The following LRP1B variants were observed in gnomAD, a reference collection of about 807,000 sequenced individuals.
LRP1B encodes the protein low-density lipoprotein receptor-related protein 1B.
In LRP1B, 217 loss-of-function variants were observed where a neutral mutation model predicts 556.6. That is an observed-to-expected ratio of 0.39 (90% CI 0.35 to 0.44). The LOEUF (loss-of-function observed/expected upper bound fraction) is 0.44. LRP1B is among the 20% of genes least tolerant of loss of function. The probability of loss-of-function intolerance (pLI) is 1.00; values close to 1 mark genes in which losing one functional copy is unlikely to be tolerated. For missense variants in LRP1B, 5,053 were observed against 5,620.8 expected (o/e 0.90, Z 3.23); for synonymous variants, 2,047 against 1,865.8 (o/e 1.10, Z -2.50).
At chr2:141,110,638 AT>A (rs10655870) in intron 7 of LRP1B, among the ~76,000 whole-genome samples, 8,653 of 149,738 alleles carry the variant, frequency 0.058, 305 homozygotes, top group Middle Eastern at 0.12. Context: ...TGTAATCATG[AT>A]TTTTTTTTTT....
At chr2:140,618,165 G>A (rs1357581052) in intron 41 of LRP1B, among the ~76,000 whole-genome samples, 2 of 151,620 alleles carry the variant, frequency 1.3e-5, no homozygotes, top group Admixed American at 6.6e-5. Flanking sequence ...TATATTCCTA[G>A]AGTAAAAGAG....
At chr2:141,758,657 A>G (rs1694410483) in intron 2 of LRP1B, among the ~76,000 whole-genome samples, 1 of 152,092 alleles carries the variant, frequency 6.6e-6, no homozygotes, top group South Asian at 2.1e-4. Context: ...TCTACTAGGC[A>G]CAGGATATAT....
chr2:141,035,435 T>C (rs1698504728), intron 11 of LRP1B, among the ~76,000 whole-genome samples: 1 of 152,076 alleles, frequency 6.6e-6, no homozygotes, highest in Non-Finnish European at 1.5e-5. Context: ...TGCTTAGCCT[T>C]ATATTTAGTC....
At chr2:140,289,578 A>T (rs1315251763) in intron 84 of LRP1B, among the ~76,000 whole-genome samples, 1 of 151,804 alleles carries the variant, frequency 6.6e-6, no homozygotes, top group Non-Finnish European at 1.5e-5. Flanking sequence ...CGTACGCCTA[A>T]AATTATTTTC....
intron 41 of LRP1B, among the ~76,000 whole-genome samples, chr2:140,605,586 C>A (rs143209070): frequency 9.9e-5 from 15 of 150,886 alleles, no homozygotes; most frequent in African/African-American, 3.4e-4. Flanking sequence ...GCTTGCTTCT[C>A]TTTTTATTTC....
At chr2:140,968,415 C>T (rs1262687616) in intron 18 of LRP1B, among the ~76,000 whole-genome samples, 1 of 150,868 alleles carries the variant, frequency 6.6e-6, no homozygotes, top group Non-Finnish European at 1.5e-5. Flanking sequence ...TTTGATTCTT[C>T]TCTCTTTTCT....
At chr2:141,871,751 T>C (rs1698594686) in intron 1 of LRP1B, among the ~76,000 whole-genome samples, 1 of 151,892 alleles carries the variant, frequency 6.6e-6, no homozygotes, top group Non-Finnish European at 1.5e-5. Context: ...AAAAAGGTGT[T>C]TAGTTTATGC....
At chr2:141,229,035 T>C in intron 6 of LRP1B, 148 bp downstream of exon 6, 1 of 738,198 alleles carries the variant, frequency 1.4e-6, no homozygotes, top group Non-Finnish European at 2.3e-6. Flanking sequence ...GCAAAACATG[T>C]AGTGAATACA....
rs530647152 is a variant in LRP1B at position 140,845,125 on chromosome 2, A to AAAAC, written c.4940-4037_4940-4034dup. Among the ~76,000 whole-genome samples, 5 of 152,124 alleles carry AAAAC rather than the reference A, an allele frequency of 3.3e-5. No individual in the cohort carries two copies. In the East Asian group the frequency reaches 7.7e-4, roughly 23 times the overall value. Reference sequence around the variant, plus strand: ...TTTTTTTCTGTCCTTTCACTGGCAAAAAACAAACAAACAAACAAACAAAAA... The same window carrying AAAAC: ...TTTTTTTCTGTCCTTTCACTGGCAAAAAACAAACAAACAAACAAACAAACAAAAA... On this transcript the variant is annotated intron_variant, in intron 29 of 90. Transcript: ENST00000389484.
chr2:141,923,068 C>G (rs961302846), intron 1 of LRP1B, among the ~76,000 whole-genome samples: 4 of 151,924 alleles, frequency 2.6e-5, no homozygotes, highest in Admixed American at 2.6e-4. Flanking sequence ...CACTGCACTC[C>G]AGCCTGGGTG....
chr2:142,055,984 C>T (rs1471558078), intron 1 of LRP1B, among the ~76,000 whole-genome samples: 1 of 152,032 alleles, frequency 6.6e-6, no homozygotes, highest in Non-Finnish European at 1.5e-5. Flanking sequence ...AACCCTGTCT[C>T]TACTAAAAAT....
rs1412426903 is a variant in LRP1B at position 140,886,343 on chromosome 2, TA to T, written c.3767-9del. On this transcript the variant is annotated splice_polypyrimidine_tract_variant and intron_variant, in intron 23 of 90. Transcript: ENST00000389484. ...TGAATGCTTCAAAAGGATCTGAAAT[TA>T]AATTTATTTTTAATAGGCTTATGAA... The T allele has an allele frequency of 2.0e-6, 3 of 1,497,406 alleles. No homozygotes were observed. The highest frequency in any genetic ancestry group is 3.9e-5 in the Admixed American group (2 of 51,020). 92.8% of individuals were successfully genotyped at this position (1,497,406 alleles called of 1,614,324 possible). A position where few individuals can be genotyped will look rare whatever the true frequency, so the allele number is the denominator to read the frequency against.
rs547844128 is a variant in LRP1B, at chr2:141,995,231, A to C, written c.82+135417T>G. On this transcript the variant is annotated intron_variant, in intron 1 of 90. Transcript: ENST00000389484. ...CACAAGTCTCGGTTGGCCAAAAATC[A>C]AGGTGTCTGCAGTGCTAGTTCCTCC... 9.8e-5 allele frequency among the ~76,000 whole-genome samples: 15 copies of C among 152,338 alleles called. No individual in the cohort carries two copies. In the South Asian group the frequency reaches 3.1e-3, roughly 32 times the overall value.
intron 84 of LRP1B, among the ~76,000 whole-genome samples, chr2:140,277,627 T>TA (rs1027179238): frequency 6.6e-6 from 1 of 151,214 alleles, no homozygotes; most frequent in Admixed American, 6.6e-5. Context: ...AATAAATAAA[T>TA]AATAAAAAAT....
intron 2 of LRP1B, among the ~76,000 whole-genome samples, chr2:141,510,235 C>A (rs989217155): frequency 9.1e-5 from 13 of 143,106 alleles, no homozygotes; most frequent in Non-Finnish European, 1.4e-4. Flanking sequence ...CACACACACA[C>A]CCCCCACAGT....
intron 41 of LRP1B, among the ~76,000 whole-genome samples, chr2:140,685,117 C>G (rs915654472): frequency 2.6e-5 from 4 of 152,206 alleles, no homozygotes; most frequent in Non-Finnish European, 5.9e-5. Flanking sequence ...CTAACTCCTT[C>G]TCATTTCCCT....
chr2:141,596,424 A>C (rs1687521876), intron 2 of LRP1B, among the ~76,000 whole-genome samples: 1 of 152,092 alleles, frequency 6.6e-6, no homozygotes, highest in African/African-American at 2.4e-5. Context: ...GATCTGATCA[A>C]AAGTCAAGTG....
chr2:141,722,417 G>A (rs1190998299), intron 2 of LRP1B, among the ~76,000 whole-genome samples: 1 of 152,068 alleles, frequency 6.6e-6, no homozygotes, highest in Non-Finnish European at 1.5e-5. Context: ...GTCCCTTCAT[G>A]CAGAAGGGCC....
At chr2:140,932,442 C>T (rs1459806705) in intron 20 of LRP1B, among the ~76,000 whole-genome samples, 1 of 151,074 alleles carries the variant, frequency 6.6e-6, no homozygotes, top group East Asian at 1.9e-4. Context: ...ACAACAGCAG[C>T]TTTGAGTAGT....
Sources: allele counts gnomAD v4.1 joint callset (sites outside exome capture counted in the v4.1 genomes callset), GRCh38; gene constraint gnomAD v4.1.1; transcripts MANE v1.5; gene names NCBI Gene and HGNC (gene_info 2026-07-23, HGNC 2026-07-21).